Variants in FBXO34 observed in about 807,000 individuals in gnomAD.
FBXO34 encodes the protein F-box only protein 34.
A neutral mutation model predicts 24.5 loss-of-function variants in FBXO34; 12 were observed. That is an observed-to-expected ratio of 0.49 (90% CI 0.31 to 0.79). The LOEUF (loss-of-function observed/expected upper bound fraction) is 0.79. Among genes scored for constraint, FBXO34 ranks in the 30% least tolerant of loss-of-function variants. The pLI is 0.04. For missense variants in FBXO34, 823 were observed against 857.7 expected (o/e 0.96, Z 0.51); for synonymous variants, 320 against 311.9 (o/e 1.03, Z -0.27).
the FBXO34 span, among the ~76,000 whole-genome samples, chr14:55,431,692 TGTA>T: frequency 6.6e-6 from 1 of 152,196 alleles, no homozygotes; most frequent in Non-Finnish European, 1.5e-5. Flanking sequence ...TTGGGGGAAA[TGTA>T]GTAACAATGG....
chr14:55,328,357 C>G (rs1418747975), intron 1 of FBXO34, among the ~76,000 whole-genome samples: 1 of 152,194 alleles, frequency 6.6e-6, no homozygotes, highest in East Asian at 1.9e-4. Context: ...AGCATCACTA[C>G]TCTTGCGCTT....
chr14:55,404,164 G>A, the FBXO34 span, among the ~76,000 whole-genome samples: 1 of 152,184 alleles, frequency 6.6e-6, no homozygotes, highest in African/African-American at 2.4e-5. Flanking sequence ...AGTGTACTAA[G>A]TTTTCCATTT....
chr14:55,314,757 T>C (rs1049688964), intron 1 of FBXO34, among the ~76,000 whole-genome samples: 1 of 152,248 alleles, frequency 6.6e-6, no homozygotes, highest in African/African-American at 2.4e-5. Context: ...TTTTGAACTT[T>C]TATCACTATT....
Position 55,298,806 on chromosome 14 carries a change from C to T in FBXO34, c.-11+27269C>T, listed in dbSNP as rs118184339. 1.2e-3 allele frequency: 1,993 copies of T among 1,611,126 alleles called. 5 individuals are homozygous for T. Among genetic ancestry groups the T allele is most frequent in the South Asian group, 2.0e-3 (183 of 90,992 alleles). ...CACCAAAAACAAGCCCGCGGCCCTC[C>T]AGGCACTGAAGCGTAAGAAGAGGTA... On this transcript the variant is annotated intron_variant, in intron 1 of 1. Coordinates refer to ENST00000313833, the MANE Select transcript of FBXO34 (RefSeq NM_017943.4).
intron 1 of FBXO34, among the ~76,000 whole-genome samples, chr14:55,321,913 T>G (rs1007494570): frequency 6.6e-6 from 1 of 152,258 alleles, no homozygotes; most frequent in Non-Finnish European, 1.5e-5. Context: ...TAAAATTGTT[T>G]TTGAAATTAT....
chr14:55,322,556 G>C (rs1883176350), intron 1 of FBXO34, among the ~76,000 whole-genome samples: 1 of 151,976 alleles, frequency 6.6e-6, no homozygotes, highest in Non-Finnish European at 1.5e-5. Flanking sequence ...GGCTGGTCTG[G>C]AATTCCTGGG....
intron 1 of FBXO34, among the ~76,000 whole-genome samples, chr14:55,281,278 C>T (rs996854384): frequency 3.7e-4 from 36 of 97,604 alleles, no homozygotes; most frequent in East Asian, 1.4e-3. Context: ...AAAAAAAAAG[C>T]ACATCTCAGT....
At chr14:55,394,891 T>C in the FBXO34 span, 9 of 364,930 alleles carry the variant, frequency 2.5e-5, no homozygotes, top group South Asian at 2.0e-4. Flanking sequence ...CTACTCAATA[T>C]CCCACACTGT....
intron 1 of FBXO34, among the ~76,000 whole-genome samples, chr14:55,312,935 C>T (rs529553298): frequency 6.6e-6 from 1 of 152,356 alleles, no homozygotes; most frequent in East Asian, 1.9e-4. Context: ...CTCCTTGTTA[C>T]TTATGCACAT....
At chr14:55,306,796 G>A (rs1171555239) in intron 1 of FBXO34, among the ~76,000 whole-genome samples, 1 of 151,742 alleles carries the variant, frequency 6.6e-6, no homozygotes, top group Non-Finnish European at 1.5e-5. Context: ...TTGCATCACG[G>A]CAGTTCAGCC....
intron 1 of FBXO34, among the ~76,000 whole-genome samples, chr14:55,284,325 CCAA>C (rs1446827128): frequency 3.3e-5 from 5 of 152,018 alleles, no homozygotes; most frequent in Non-Finnish European, 7.4e-5. Flanking sequence ...ACCAGCCTGA[CCAA>C]CATGGTGAAA....
Position 55,351,479 on chromosome 14 carries a change from C to T in FBXO34, c.1089C>T (p.Asp363=). ...CTGATCGTTGTTCTCCTAAGGAGGACCAGGCCTGGGACGGTGCTTCTCAGG... is the reference window on the plus strand; with the variant it reads ...CTGATCGTTGTTCTCCTAAGGAGGATCAGGCCTGGGACGGTGCTTCTCAGG... ...SRADRCSPKE[D]QAWDGASQDC... The change falls in exon 2 of 2, where the codon GAC becomes GAT. Residue 363 remains aspartate, a synonymous_variant. Coordinates refer to ENST00000313833, the MANE Select transcript of FBXO34 (RefSeq NM_017943.4). 3 of 1,614,122 alleles carry T rather than the reference C, an allele frequency of 1.9e-6. No homozygotes were observed. The highest frequency in any genetic ancestry group is 3.3e-5 in the Admixed American group (2 of 60,016).
the FBXO34 span, among the ~76,000 whole-genome samples, chr14:55,388,561 G>A: frequency 6.6e-6 from 1 of 152,150 alleles, no homozygotes; most frequent in African/African-American, 2.4e-5. Flanking sequence ...CCCTATCTAT[G>A]CCCTATATCT....
At chr14:55,382,160 T>C in the FBXO34 span, 1 of 1,614,142 alleles carries the variant, frequency 6.2e-7, no homozygotes, top group Non-Finnish European at 8.5e-7. Context: ...GTCATGGCAC[T>C]GTCACTCTCT....
At chr14:55,380,928 T>A in the FBXO34 span, among the ~76,000 whole-genome samples, 1 of 145,794 alleles carries the variant, frequency 6.9e-6, no homozygotes, top group Non-Finnish European at 1.5e-5. Context: ...TGGGCCTAAA[T>A]AGACCCAACA....
downstream of FBXO34, chr14:55,366,785 A>C (rs1464308825): frequency 6.6e-6 from 1 of 152,640 alleles, no homozygotes; most frequent in African/African-American, 2.4e-5. Context: ...CTTTTTGTTT[A>C]AACAAAATAC....
At chr14:55,276,869 G>T (rs1226170518) in intron 1 of FBXO34, among the ~76,000 whole-genome samples, 3 of 152,156 alleles carry the variant, frequency 2.0e-5, no homozygotes, top group Non-Finnish European at 4.4e-5. Context: ...CTGGGAGTCA[G>T]CTTGCACAAG....
the FBXO34 span, chr14:55,381,935 G>C: frequency 6.3e-7 from 1 of 1,576,136 alleles, no homozygotes. Flanking sequence ...TCTATATATA[G>C]ATTTCAAAGG....
intron 1 of FBXO34, among the ~76,000 whole-genome samples, chr14:55,274,413 A>G (rs1020360341): frequency 2.0e-5 from 3 of 152,222 alleles, no homozygotes; most frequent in Non-Finnish European, 4.4e-5. Context: ...TATTTTTGGC[A>G]GGATCTTTTT....
Sources: gnomAD v4.1 joint callset for allele counts (sites outside exome capture counted in the v4.1 genomes callset) on GRCh38, gnomAD v4.1.1 for gene constraint, MANE v1.5 for transcripts, NCBI Gene and HGNC (gene_info 2026-07-23, HGNC 2026-07-21) for gene names.